SHLD1: variants seen among roughly 807,000 people sequenced by gnomAD.
SHLD1 encodes the protein RINN1-REV7-interacting novel NHEJ regulator 3.
SHLD1 carries 3 observed loss-of-function variants against 5.5 expected under a neutral mutation model. That is an observed-to-expected ratio of 0.54 (90% CI 0.25 to 1.40). The LOEUF (loss-of-function observed/expected upper bound fraction) is 1.40, where lower values mean the gene tolerates loss of function less well. Among genes scored for constraint, SHLD1 ranks in the 40% most tolerant of loss-of-function variants. SHLD1 has a pLI of 0.15. For missense variants in SHLD1, 210 were observed against 244.4 expected (o/e 0.86, Z 0.94); for synonymous variants, 92 against 94.3 (o/e 0.98, Z 0.14).
chr20:5,795,844 G>C (rs2087204899), intron 2 of SHLD1, among the ~76,000 whole-genome samples: 2 of 151,350 alleles, frequency 1.3e-5, no homozygotes, highest in African/African-American at 2.4e-5. Context: ...AATTAGCCGG[G>C]TTTGGTGGCG....
intron 2 of SHLD1, among the ~76,000 whole-genome samples, chr20:5,821,864 G>A (rs1017900640): frequency 2.6e-5 from 4 of 152,142 alleles, no homozygotes; most frequent in African/African-American, 4.8e-5. Flanking sequence ...ACAGTGAGTC[G>A]TGAGAGAGGG....
At chr20:5,780,274 G>T (rs894593569) in intron 2 of SHLD1, among the ~76,000 whole-genome samples, 1 of 152,050 alleles carries the variant, frequency 6.6e-6, no homozygotes, top group Admixed American at 6.6e-5. Flanking sequence ...CAGTGCACCC[G>T]GCTTGACTGT....
At chr20:5,836,517 A>T (rs919216904) in intron 2 of SHLD1, among the ~76,000 whole-genome samples, 2 of 152,112 alleles carry the variant, frequency 1.3e-5, no homozygotes, top group Non-Finnish European at 2.9e-5. Flanking sequence ...GTGGCCTCTC[A>T]TCCTTGCAAA....
chr20:5,808,378 A>G (rs989400179), intron 2 of SHLD1, among the ~76,000 whole-genome samples: 2 of 152,186 alleles, frequency 1.3e-5, no homozygotes, highest in Admixed American at 1.3e-4. Flanking sequence ...CTATATACAT[A>G]AATATAGATA....
At chr20:5,799,714 T>C (rs2087264559) in intron 2 of SHLD1, among the ~76,000 whole-genome samples, 1 of 152,140 alleles carries the variant, frequency 6.6e-6, no homozygotes, top group Non-Finnish European at 1.5e-5. Flanking sequence ...CTTCTTACTA[T>C]AGGGTCAGTA....
intron 2 of SHLD1, among the ~76,000 whole-genome samples, chr20:5,822,252 G>GT (rs1425493617): frequency 2.6e-5 from 4 of 152,176 alleles, no homozygotes; most frequent in Non-Finnish European, 4.4e-5. Flanking sequence ...GAGGTCAGGA[G>GT]TTTGACACCA....
At chr20:5,772,026 C>G (rs1301244439) in intron 1 of SHLD1, 2 of 416,670 alleles carry the variant, frequency 4.8e-6, no homozygotes, top group East Asian at 7.2e-5. Flanking sequence ...AGGCACCCAC[C>G]ACCAAGCCTG....
chr20:5,783,374 C>T (rs2087013180), intron 2 of SHLD1, among the ~76,000 whole-genome samples: 1 of 152,158 alleles, frequency 6.6e-6, no homozygotes, highest in South Asian at 2.1e-4. Context: ...CAGGAGCCCG[C>T]CACCACACCC....
In SHLD1 at chr20:5,820,860, A is replaced by G. The variant is rs532685442; in HGVS notation, c.179-42164A>G. On this transcript the variant is annotated intron_variant, in intron 2 of 2. Transcript: ENST00000303142. ...AAAGAGACCAGGGATGACAAAGCCA[A>G]CCAGGCTGTTACCTAAAAACCTGAT... Among the ~76,000 whole-genome samples, 734 of 152,328 alleles carry G rather than the reference A, an allele frequency of 4.8e-3. 4 individuals carry two copies. The highest frequency in any genetic ancestry group is 0.01 in the Middle Eastern group (3 of 294).
At chr20:5,858,506 T>C (rs1382701271) in intron 2 of SHLD1, among the ~76,000 whole-genome samples, 1 of 152,194 alleles carries the variant, frequency 6.6e-6, no homozygotes, top group Non-Finnish European at 1.5e-5. Flanking sequence ...CTACAACTCC[T>C]AAATATATAA....
intron 2 of SHLD1, among the ~76,000 whole-genome samples, chr20:5,782,861 T>A (rs1209129624): frequency 6.6e-6 from 1 of 152,214 alleles, no homozygotes; most frequent in East Asian, 1.9e-4. Flanking sequence ...ATAAAAAAAC[T>A]CAAAATAAAA....
At chr20:5,793,833 G>A (rs2087174990) in intron 2 of SHLD1, among the ~76,000 whole-genome samples, 1 of 151,956 alleles carries the variant, frequency 6.6e-6, no homozygotes, top group South Asian at 2.1e-4. Context: ...TCATCCTCCT[G>A]AGTAGATGGG....
chr20:5,821,065 C>G (rs1185797729), intron 2 of SHLD1, among the ~76,000 whole-genome samples: 1 of 152,206 alleles, frequency 6.6e-6, no homozygotes, highest in African/African-American at 2.4e-5. Context: ...ACTTCTAGTC[C>G]TGTGGAAAAT....
intron 2 of SHLD1, among the ~76,000 whole-genome samples, chr20:5,779,981 T>TC (rs199769586): frequency 7.0e-6 from 1 of 141,924 alleles, no homozygotes; most frequent in East Asian, 2.0e-4. Flanking sequence ...TGTTTTTTTT[T>TC]TTTTTTTTTT....
chr20:5,799,435 A>C (rs1380157406), intron 2 of SHLD1, among the ~76,000 whole-genome samples: 1 of 149,192 alleles, frequency 6.7e-6, no homozygotes, highest in South Asian at 2.1e-4. Flanking sequence ...CAAGTAGCTG[A>C]GACTACAGAC....
At chr20:5,853,846 T>G (rs112299844) in intron 2 of SHLD1, among the ~76,000 whole-genome samples, 2,907 of 151,910 alleles carry the variant, frequency 0.019, 86 homozygotes, top group African/African-American at 0.067. Flanking sequence ...CGTCTACTTT[T>G]TTTTTTTTTT....
intron 2 of SHLD1, among the ~76,000 whole-genome samples, chr20:5,794,018 TC>T (rs1470617402): frequency 6.6e-6 from 1 of 150,942 alleles, no homozygotes; most frequent in African/African-American, 2.4e-5. Flanking sequence ...CCCCTTTCTC[TC>T]TGGTTTTAGA....
chr20:5,773,404 G>A, intron 2 of SHLD1: 2 of 536,474 alleles, frequency 3.7e-6, no homozygotes. Flanking sequence ...TAGCAATGTG[G>A]GCCTGTTATG....
At chr20:5,856,174 G>A (rs1391656168) in intron 2 of SHLD1, among the ~76,000 whole-genome samples, 1 of 152,212 alleles carries the variant, frequency 6.6e-6, no homozygotes, top group African/African-American at 2.4e-5. Flanking sequence ...TGACTGAGAA[G>A]GCCTCACTGA....
Sources: allele counts gnomAD v4.1 joint callset (sites outside exome capture counted in the v4.1 genomes callset), GRCh38; gene constraint gnomAD v4.1.1; transcripts MANE v1.5; gene names NCBI Gene and HGNC (gene_info 2026-07-23, HGNC 2026-07-21).